Variants in RORA observed in about 807,000 individuals in gnomAD.
RORA encodes nuclear receptor ROR-alpha.
RORA carries 7 observed loss-of-function variants against 69.5 expected under a neutral mutation model. The ratio of observed to expected loss-of-function variants is 0.10; its 90% confidence interval spans 0.06 to 0.19. The LOEUF is 0.19. Among genes scored for constraint, RORA ranks in the 10% least tolerant of loss-of-function variants. The pLI, the probability that RORA is intolerant of heterozygous loss-of-function variation, is 1.00. For synonymous variants in RORA, 261 were observed against 240.8 expected, an observed-to-expected ratio of 1.08 and a Z score of -0.78; for missense variants, 457 against 663.0, an observed-to-expected ratio of 0.69 and a Z score of 3.41.
chr15:60,650,145 G>A (rs2070119123), intron 2 of RORA, among the ~76,000 whole-genome samples: 1 of 151,638 alleles, frequency 6.6e-6, no homozygotes, highest in South Asian at 2.1e-4. Flanking sequence ...TGTGAACATC[G>A]TTACTGAGAA....
chr15:60,625,448 G>A (rs1246773678), intron 2 of RORA, among the ~76,000 whole-genome samples: 4 of 152,072 alleles, frequency 2.6e-5, no homozygotes, highest in East Asian at 1.9e-4. Flanking sequence ...CTACTATTCC[G>A]CATCTAGGAA....
intron 6 of RORA, among the ~76,000 whole-genome samples, chr15:60,504,223 G>T (rs139293690): frequency 6.6e-6 from 1 of 152,190 alleles, no homozygotes; most frequent in East Asian, 1.9e-4. Flanking sequence ...GGCGCTTTAT[G>T]ACATCCTTGT....
chr15:61,063,025 A>G (rs1487211448), intron 1 of RORA, among the ~76,000 whole-genome samples: 1 of 152,246 alleles, frequency 6.6e-6, no homozygotes, highest in Admixed American at 6.5e-5. Flanking sequence ...AATATAAGGC[A>G]TGAAGAGTGG....
At chr15:60,696,129 C>T (rs973714235) in intron 1 of RORA, among the ~76,000 whole-genome samples, 1 of 152,332 alleles carries the variant, frequency 6.6e-6, no homozygotes, top group South Asian at 2.1e-4. Context: ...GCACTGTCAA[C>T]TTTTCTATGA....
intron 1 of RORA, among the ~76,000 whole-genome samples, chr15:60,893,601 GT>G (rs1458950989): frequency 6.6e-6 from 1 of 151,986 alleles, no homozygotes; most frequent in African/African-American, 2.4e-5. Context: ...GTGTGTGTGC[GT>G]TTTTAAAAAA....
chr15:60,882,384 C>G (rs1275065226), intron 1 of RORA, among the ~76,000 whole-genome samples: 1 of 152,044 alleles, frequency 6.6e-6, no homozygotes, highest in Non-Finnish European at 1.5e-5. Flanking sequence ...ACCAGACAAC[C>G]CTTCATGATA....
intron 1 of RORA, among the ~76,000 whole-genome samples, chr15:60,679,922 GTTTGT>G (rs2070617867): frequency 3.5e-5 from 1 of 28,666 alleles, no homozygotes; most frequent in South Asian, 1.3e-3. Flanking sequence ...CTATTGTTTT[GTTTGT>G]TTGTTTGTTT....
At position 60,776,065 on chromosome 15, in the gene RORA, G is replaced by A. The variant is rs556959767; in HGVS notation, c.167-97379C>T. Among the ~76,000 whole-genome samples the A allele has an allele frequency of 6.6e-5, 10 of 152,314 alleles. No homozygotes were observed. In the South Asian group the frequency reaches 1.5e-3, roughly 22 times the overall value. Reference sequence around the variant, plus strand: ...GCTTAGTCCTTATCGGTAATTCGATGGGAACCTGAAACTTTGTTGAAGGGA... The same window carrying A: ...GCTTAGTCCTTATCGGTAATTCGATAGGAACCTGAAACTTTGTTGAAGGGA... On this transcript the variant is annotated intron_variant, in intron 1 of 10. Transcript: ENST00000335670.
intron 1 of RORA, among the ~76,000 whole-genome samples, chr15:61,067,043 C>T (rs2078271382): frequency 6.6e-6 from 1 of 151,886 alleles, no homozygotes; most frequent in South Asian, 2.1e-4. Context: ...AGCCCAAGTG[C>T]TCTAGCTCTC....
chr15:60,902,108 A>G (rs1165152707), intron 1 of RORA, among the ~76,000 whole-genome samples: 1 of 152,182 alleles, frequency 6.6e-6, no homozygotes, highest in Non-Finnish European at 1.5e-5. Flanking sequence ...AAGCTGAATA[A>G]TATGACTTGT....
intron 1 of RORA, among the ~76,000 whole-genome samples, chr15:60,715,912 A>G (rs143410836): frequency 2.6e-5 from 4 of 152,330 alleles, no homozygotes; most frequent in African/African-American, 9.6e-5. Flanking sequence ...TAAAAAAATT[A>G]TGATTCTTCC....
At chr15:60,639,257 G>T (rs928912815) in intron 2 of RORA, among the ~76,000 whole-genome samples, 1 of 124,010 alleles carries the variant, frequency 8.1e-6, no homozygotes, top group Non-Finnish European at 1.7e-5. Context: ...ACATTGAAAA[G>T]AAATAAAAAC....
intron 1 of RORA, among the ~76,000 whole-genome samples, chr15:60,945,604 T>A (rs777238647): frequency 1.3e-5 from 2 of 152,150 alleles, no homozygotes; most frequent in African/African-American, 4.8e-5. Flanking sequence ...ATCCCTGCCA[T>A]GCATAACAAT....
rs569336592 is a variant in RORA at position 61,140,427 on chromosome 15, A to G, written c.166+88626T>C. ...TCCTTAAAGACTCAGTTTAAATGCC[A>G]TCTCCTTCAACATATATTCTGTGAT... is the stretch of plus-strand genomic sequence containing the variant. On this transcript the variant is annotated intron_variant, in intron 1 of 10. Coordinates refer to ENST00000335670, the MANE Select transcript of RORA (RefSeq NM_134261.3). 5.3e-5 allele frequency among the ~76,000 whole-genome samples: 8 copies of G among 152,310 alleles called. No homozygotes were observed. The South Asian group carries it at 1.7e-3, about 32-fold the overall frequency.
intron 1 of RORA, among the ~76,000 whole-genome samples, chr15:61,111,458 A>G (rs1340622379): frequency 2.0e-5 from 3 of 152,200 alleles, no homozygotes; most frequent in African/African-American, 7.2e-5. Flanking sequence ...CTACAAAATA[A>G]ACTTTTACTT....
intron 1 of RORA, among the ~76,000 whole-genome samples, chr15:61,017,625 G>C (rs1199155217): frequency 6.6e-6 from 1 of 152,106 alleles, no homozygotes; most frequent in Non-Finnish European, 1.5e-5. Flanking sequence ...GTGGGGGAGG[G>C]GGTGTGGAGT....
At chr15:60,842,834 G>A (rs563560772) in intron 1 of RORA, among the ~76,000 whole-genome samples, 10 of 152,128 alleles carry the variant, frequency 6.6e-5, no homozygotes, top group Non-Finnish European at 1.3e-4. Flanking sequence ...TAGAAGATCG[G>A]GTGGATAAAG....
chr15:61,063,120 C>G (rs1398416316), intron 1 of RORA, among the ~76,000 whole-genome samples: 2 of 152,170 alleles, frequency 1.3e-5, no homozygotes, highest in East Asian at 3.9e-4. Context: ...CTGTGAAGCC[C>G]ACAAATCAGG....
At chr15:60,638,625 C>T (rs575530832) in intron 2 of RORA, among the ~76,000 whole-genome samples, 14 of 152,112 alleles carry the variant, frequency 9.2e-5, no homozygotes, top group East Asian at 3.9e-4. Context: ...GCTTTTCCTC[C>T]GAATAAGATT....
Sources: allele counts gnomAD v4.1 joint callset (sites outside exome capture counted in the v4.1 genomes callset), GRCh38; gene constraint gnomAD v4.1.1; transcripts MANE v1.5; gene names NCBI Gene and HGNC (gene_info 2026-07-23, HGNC 2026-07-21).